The following IL6R variants were observed in gnomAD, a reference collection of about 807,000 sequenced individuals.
The protein encoded by IL6R is interleukin-6 receptor subunit alpha.
A neutral mutation model predicts 48.3 loss-of-function variants in IL6R; 38 were observed. That is an observed-to-expected ratio of 0.79 (90% CI 0.61 to 1.03). The LOEUF (loss-of-function observed/expected upper bound fraction) is 1.03. Among genes scored for constraint, IL6R ranks in the 50% least tolerant of loss-of-function variants. IL6R has a pLI of 0.00. For synonymous variants in IL6R, 264 were observed against 256.2 expected (o/e 1.03, Z -0.29); for missense variants, 534 against 618.3 (o/e 0.86, Z 1.45).
chr1:154,416,160 CA>C (rs1426374658), intron 1 of IL6R, among the ~76,000 whole-genome samples: 1 of 151,988 alleles, frequency 6.6e-6, no homozygotes, highest in Non-Finnish European at 1.5e-5. Context: ...GGAAGGGTCT[CA>C]CTCTGTTGCC....
At chr1:154,409,467 TTGGGC>T (rs1302123016) in intron 1 of IL6R, among the ~76,000 whole-genome samples, 2 of 152,296 alleles carry the variant, frequency 1.3e-5, no homozygotes, top group East Asian at 3.9e-4. Flanking sequence ...TGATAACACC[TTGGGC>T]AAGTGATTTA....
Position 154,434,502 on chromosome 1 carries a change from T to G in IL6R, c.459-17T>G, listed in dbSNP as rs755107911. ...GAAACTGACAGGCAAGCCCTGCCCTTGTTTTGTGTCTAACAGTCAGAACAG... is the reference window on the plus strand; with the variant it reads ...GAAACTGACAGGCAAGCCCTGCCCTGGTTTTGTGTCTAACAGTCAGAACAG... On this transcript the variant is annotated splice_polypyrimidine_tract_variant and intron_variant, in intron 3 of 9. Coordinates refer to ENST00000368485, the MANE Select transcript of IL6R (RefSeq NM_000565.4). 25 of 1,607,090 alleles carry G rather than the reference T, an allele frequency of 1.6e-5. 1 individual carries two copies. In the South Asian group the frequency reaches 2.4e-4, roughly 16 times the overall value.
intron 1 of IL6R, among the ~76,000 whole-genome samples, chr1:154,424,580 G>A (rs949178288): frequency 6.6e-5 from 10 of 152,226 alleles, no homozygotes; most frequent in East Asian, 5.8e-4. Context: ...CTTGAAATCC[G>A]TGTTAGGTTT....
intron 9 of IL6R, among the ~76,000 whole-genome samples, chr1:154,463,050 C>T (rs903527375): frequency 6.6e-6 from 1 of 152,028 alleles, no homozygotes; most frequent in African/African-American, 2.4e-5. Flanking sequence ...GTAATCCACC[C>T]ACCTTGGCCT....
At chr1:154,443,301 A>G (rs4845623) in intron 6 of IL6R, among the ~76,000 whole-genome samples, 70,937 of 152,084 alleles carry the variant, frequency 0.47, 17,389 homozygotes, top group African/African-American at 0.6. Flanking sequence ...CTCTTTGGCC[A>G]TCCATTCTGG....
At position 154,426,580 on chromosome 1, in the gene IL6R, A is replaced by G. The variant is rs1168405058; in HGVS notation, c.86-2616A>G. 2.0e-5 allele frequency among the ~76,000 whole-genome samples: 3 copies of G among 151,968 alleles called. No individual in the cohort carries two copies. In the East Asian group the frequency reaches 5.8e-4, roughly 29 times the overall value. Reference sequence around the variant, plus strand: ...TATCACAGCAGAAGACTATATTCAAACCATTTATATGAAGCTCAAAAATGA... The same window carrying G: ...TATCACAGCAGAAGACTATATTCAAGCCATTTATATGAAGCTCAAAAATGA... On this transcript the variant is annotated intron_variant, in intron 1 of 9. Transcript: ENST00000368485.
At chr1:154,411,407 A>C (rs1688012832) in intron 1 of IL6R, among the ~76,000 whole-genome samples, 1 of 152,132 alleles carries the variant, frequency 6.6e-6, no homozygotes, top group South Asian at 2.1e-4. Context: ...TGGATATGGG[A>C]GTCAGGAATT....
At chr1:154,413,546 A>G (rs528443992) in intron 1 of IL6R, among the ~76,000 whole-genome samples, 7 of 151,274 alleles carry the variant, frequency 4.6e-5, no homozygotes, top group African/African-American at 1.7e-4. Context: ...CCTTGCCAAA[A>G]GTGTACTATT....
rs111988965 is a variant in IL6R, at chr1:154,414,942, G to A, written c.85+9228G>A. 101 of 1,195,102 alleles carry A rather than the reference G, an allele frequency of 8.5e-5. 1 individual carries two copies. In the South Asian group the frequency reaches 9.1e-4, roughly 11 times the overall value. The allele number at this position is 1,195,102 out of a possible 1,614,324, so 74.0% of individuals were successfully genotyped here. On this transcript the variant is annotated intron_variant, in intron 1 of 9. Transcript: ENST00000368485. ...GGCGCTGGAAGGAGGGGATGTCCTC[G>A]CATAGGATGCTCCACTGGCCCCGAT...
chr1:154,423,919 A>G (rs1688830170), intron 1 of IL6R, among the ~76,000 whole-genome samples: 2 of 152,342 alleles, frequency 1.3e-5, no homozygotes, highest in Non-Finnish European at 1.5e-5. Flanking sequence ...TAGTGAGTGC[A>G]GGAGCAGAAC....
chr1:154,414,201 T>C (rs1159696536), intron 1 of IL6R, among the ~76,000 whole-genome samples: 1 of 152,186 alleles, frequency 6.6e-6, no homozygotes, highest in East Asian at 1.9e-4. Flanking sequence ...GTCTCTTTTA[T>C]AGCTTCTAGG....
intron 1 of IL6R, among the ~76,000 whole-genome samples, chr1:154,424,524 C>T (rs150500490): frequency 6.6e-6 from 1 of 152,318 alleles, no homozygotes; most frequent in East Asian, 1.9e-4. Context: ...TCTCTTTGGG[C>T]ACTGTTTCCA....
At chr1:154,434,840 G>A (rs1570962585) in intron 4 of IL6R, 140 bp downstream of exon 4, 1 of 1,178,532 alleles carries the variant, frequency 8.5e-7, no homozygotes, top group Non-Finnish European at 1.2e-6. Flanking sequence ...TTGCCGGGAG[G>A]TGTGGCAATG....
intron 1 of IL6R, chr1:154,414,682 A>T: frequency 1.2e-6 from 1 of 854,664 alleles, no homozygotes; most frequent in South Asian, 1.4e-5. Flanking sequence ...CTTGGCCAGG[A>T]ACACTTTGTT....
chr1:154,445,625 C>A (rs1690178804), intron 6 of IL6R, among the ~76,000 whole-genome samples: 1 of 151,938 alleles, frequency 6.6e-6, no homozygotes, highest in Non-Finnish European at 1.5e-5. Context: ...TGGTGGGCGC[C>A]TGTAGTCCCA....
At chr1:154,428,995 G>A (rs1227482201) in intron 1 of IL6R, among the ~76,000 whole-genome samples, 1 of 152,142 alleles carries the variant, frequency 6.6e-6, no homozygotes, top group East Asian at 1.9e-4. Flanking sequence ...CATGGCTTCA[G>A]AAGGCTCTCC....
chr1:154,437,657 C>G (rs1454977530), intron 6 of IL6R: 1 of 236,306 alleles, frequency 4.2e-6, no homozygotes, highest in South Asian at 4.1e-5. Context: ...AGTGATCCAC[C>G]AGCCTCAGAC....
intron 9 of IL6R, among the ~76,000 whole-genome samples, chr1:154,460,312 G>C (rs557765840): frequency 4.8e-4 from 73 of 152,180 alleles, no homozygotes; most frequent in African/African-American, 1.7e-3. Flanking sequence ...ACACCCTCAG[G>C]TTGGCTGGTT....
chr1:154,448,633 A>C (rs1001824101), intron 7 of IL6R, among the ~76,000 whole-genome samples: 3 of 152,148 alleles, frequency 2.0e-5, no homozygotes, highest in Non-Finnish European at 4.4e-5. Flanking sequence ...GCTGGGAGTC[A>C]TAGCCACTTC....
Sources: allele counts gnomAD v4.1 joint callset (sites outside exome capture counted in the v4.1 genomes callset), GRCh38; gene constraint gnomAD v4.1.1; transcripts MANE v1.5; gene names NCBI Gene and HGNC (gene_info 2026-07-23, HGNC 2026-07-21).